Variants in RFPL1 observed in about 807,000 individuals in gnomAD.
The protein encoded by RFPL1 is ret finger protein-like 1.
In RFPL1, 6 loss-of-function variants were observed where a neutral mutation model predicts 9.6. That is an observed-to-expected ratio of 0.62 (90% CI 0.34 to 1.23). RFPL1 has a LOEUF of 1.23. RFPL1 is among the 50% of genes most tolerant of loss of function. The pLI, the probability that RFPL1 is intolerant of heterozygous loss-of-function variation, is 0.03. For synonymous variants in RFPL1, 145 were observed against 149.4 expected (o/e 0.97, Z 0.22); for missense variants, 352 against 398.4 (o/e 0.88, Z 0.99).
chr22:29,419,640 T>G, the RFPL1 span, among the ~76,000 whole-genome samples: 1 of 151,458 alleles, frequency 6.6e-6, no homozygotes, highest in African/African-American at 2.4e-5. Context: ...TCGTTTCTAA[T>G]AAAATACAAA....
chr22:29,407,493 G>GT, the RFPL1 span, among the ~76,000 whole-genome samples: 84 of 150,986 alleles, frequency 5.6e-4, no homozygotes, highest in African/African-American at 2.0e-3. Flanking sequence ...ATTTTTCTTT[G>GT]TAAGAATTTC....
At chr22:29,422,085 G>A in the RFPL1 span, among the ~76,000 whole-genome samples, 1 of 152,178 alleles carries the variant, frequency 6.6e-6, no homozygotes, top group Non-Finnish European at 1.5e-5. Context: ...TGCTTACAGG[G>A]TCAAAGCACA....
At chr22:29,423,468 G>A in the RFPL1 span, among the ~76,000 whole-genome samples, 229 of 151,436 alleles carry the variant, frequency 1.5e-3, 1 homozygote, top group African/African-American at 5.0e-3. Context: ...CTCCTGCCTC[G>A]GCCTCCCAAA....
chr22:29,441,235 G>A (rs764658525), intron 1 of RFPL1: 23 of 396,266 alleles, frequency 5.8e-5, no homozygotes, highest in Non-Finnish European at 8.2e-5. Context: ...CATCAAGGTG[G>A]TAGAAAGGGG....
At chr22:29,415,290 C>T in the RFPL1 span, among the ~76,000 whole-genome samples, 2 of 151,390 alleles carry the variant, frequency 1.3e-5, no homozygotes, top group African/African-American at 2.4e-5. Context: ...AAAGGCATGC[C>T]GTGGGTGATC....
intron 1 of RFPL1, 49 bp downstream of exon 1, chr22:29,439,213 A>T: frequency 6.4e-7 from 1 of 1,573,136 alleles, no homozygotes. Context: ...GACCAGGAAA[A>T]ATCATCTGTG....
At chr22:29,396,073 T>G in the RFPL1 span, among the ~76,000 whole-genome samples, 21 of 151,304 alleles carry the variant, frequency 1.4e-4, no homozygotes, top group Admixed American at 2.6e-4. Flanking sequence ...GAAGAGAAGA[T>G]AAGAGAAAAG....
chr22:29,406,430 A>T, the RFPL1 span, among the ~76,000 whole-genome samples: 2 of 152,122 alleles, frequency 1.3e-5, no homozygotes, highest in African/African-American at 2.4e-5. Flanking sequence ...ACATTCCCAC[A>T]TCTCAGAATA....
At chr22:29,418,749 G>T in the RFPL1 span, among the ~76,000 whole-genome samples, 1 of 151,812 alleles carries the variant, frequency 6.6e-6, no homozygotes, top group African/African-American at 2.4e-5. Flanking sequence ...CCGCCCACCT[G>T]GGCCTCCCCA....
the RFPL1 span, among the ~76,000 whole-genome samples, chr22:29,400,143 C>G: frequency 6.6e-6 from 1 of 151,936 alleles, no homozygotes; most frequent in Non-Finnish European, 1.5e-5. Flanking sequence ...CTACAGGAGC[C>G]CGCCACCGCT....
At chr22:29,439,855 G>A (rs1464260818) in intron 1 of RFPL1, 1 of 152,282 alleles carries the variant, frequency 6.6e-6, no homozygotes, top group African/African-American at 2.4e-5. Flanking sequence ...CATTTAAATG[G>A]GCCTGGTAAT....
the RFPL1 span, among the ~76,000 whole-genome samples, chr22:29,391,784 C>T: frequency 2.0e-5 from 3 of 152,204 alleles, no homozygotes; most frequent in Non-Finnish European, 4.4e-5. Context: ...CACCCCCACG[C>T]CCAGTGCAAG....
upstream of RFPL1, chr22:29,438,198 TTTG>T: frequency 6.6e-6 from 1 of 152,480 alleles, no homozygotes; most frequent in Non-Finnish European, 1.4e-5. Flanking sequence ...TTTTTTTTTT[TTTG>T]AGATGGTGTC....
chr22:29,425,686 G>A, the RFPL1 span, among the ~76,000 whole-genome samples: 1 of 152,304 alleles, frequency 6.6e-6, no homozygotes, highest in South Asian at 2.1e-4. Flanking sequence ...TATTGATATG[G>A]CTGGGTGTGG....
At chr22:29,441,836 G>C (rs747385579) in exon 2 of RFPL1, 33 of 1,613,872 alleles carry the variant, frequency 2.0e-5, no homozygotes, top group Non-Finnish European at 2.7e-5. Context: ...TTGAGGGATG[G>C]AAGCCGCCTC....
the RFPL1 span, among the ~76,000 whole-genome samples, chr22:29,410,350 A>ATC: frequency 1.4e-5 from 1 of 73,298 alleles, no homozygotes; most frequent in Non-Finnish European, 2.2e-5. Context: ...CTATATATAG[A>ATC]TATATATGTA....
chr22:29,413,371 A>C, the RFPL1 span, among the ~76,000 whole-genome samples: 1 of 152,136 alleles, frequency 6.6e-6, no homozygotes, highest in Non-Finnish European at 1.5e-5. Flanking sequence ...TACATGTGCT[A>C]AAAGACTTTT....
chr22:29,431,426 C>T, the RFPL1 span, among the ~76,000 whole-genome samples: 4 of 152,210 alleles, frequency 2.6e-5, no homozygotes, highest in Admixed American at 6.5e-5. Flanking sequence ...GTGGCCAACT[C>T]GATGAGATGA....
chr22:29,390,682 G>A, the RFPL1 span, among the ~76,000 whole-genome samples: 4 of 151,334 alleles, frequency 2.6e-5, no homozygotes, highest in East Asian at 4.0e-4. Context: ...TGCAAGCTCC[G>A]CCTCCCGGGT....
Sources: allele counts gnomAD v4.1 joint callset (sites outside exome capture counted in the v4.1 genomes callset), GRCh38; gene constraint gnomAD v4.1.1; transcripts MANE v1.5; gene names NCBI Gene and HGNC (gene_info 2026-07-23, HGNC 2026-07-21).